The following CPPED1 variants were observed in gnomAD, a reference collection of about 807,000 sequenced individuals.
The protein encoded by CPPED1 is calcineurin like phosphoesterase domain containing 1, also known as serine/threonine-protein phosphatase CPPED1.
Under a neutral mutation model 28.0 loss-of-function variants are expected in CPPED1, and 28 were observed. That is an observed-to-expected ratio of 1.00 (90% confidence interval 0.74 to 1.37). CPPED1 has a LOEUF of 1.37. Ranked by LOEUF, CPPED1 falls within the 40% of genes most tolerant of loss-of-function variation. CPPED1 has a pLI of 0.00. For synonymous variants in CPPED1, 198 were observed against 180.2 expected (o/e 1.10, Z -0.79); for missense variants, 504 against 416.5 (o/e 1.21, Z -1.83).
intron 2 of CPPED1, among the ~76,000 whole-genome samples, chr16:12,734,020 G>A (rs2080212970): frequency 6.9e-6 from 1 of 145,668 alleles, no homozygotes; most frequent in African/African-American, 2.6e-5. Flanking sequence ...ATAATTACAG[G>A]ACAATAATTT....
At chr16:12,733,535 A>G (rs1437706850) in intron 2 of CPPED1, among the ~76,000 whole-genome samples, 2 of 152,188 alleles carry the variant, frequency 1.3e-5, no homozygotes, top group Middle Eastern at 6.3e-3. Flanking sequence ...TTGGCCTCCC[A>G]AAGTGCTGGG....
At position 12,781,372 on chromosome 16, in the gene CPPED1, G is replaced by A. The variant is rs1292047270; in HGVS notation, c.102C>T (p.Tyr34=). ...EKESEWKGPF[Y]FILGADPQFG... Reference sequence around the variant, plus strand: ...ACTGTGGGTCTGCGCCCAGGATGAAGTAGAATGGGCCTTTCCATTCGCTTT... The same window carrying A: ...ACTGTGGGTCTGCGCCCAGGATGAAATAGAATGGGCCTTTCCATTCGCTTT... The change falls in exon 2 of 4, where the codon TAC becomes TAT. Residue 34 remains tyrosine (Y), a synonymous_variant. Coordinates refer to ENST00000381774, the MANE Select transcript of CPPED1 (RefSeq NM_018340.3). 8.1e-6 allele frequency: 13 copies of A among 1,614,156 alleles called. No individual in the cohort carries two copies. The highest frequency in any genetic ancestry group is 1.1e-5 in the Non-Finnish European group (13 of 1,180,028).
chr16:12,668,771 A>T (rs2079839153), intron 3 of CPPED1, among the ~76,000 whole-genome samples: 1 of 152,268 alleles, frequency 6.6e-6, no homozygotes, highest in Non-Finnish European at 1.5e-5. Flanking sequence ...GCGATTAGCG[A>T]CAATGAGATA....
At chr16:12,740,730 G>A (rs1457218858) in intron 2 of CPPED1, among the ~76,000 whole-genome samples, 1 of 152,220 alleles carries the variant, frequency 6.6e-6, no homozygotes, top group East Asian at 1.9e-4. Context: ...TGGGGGAGCA[G>A]GGGTGAAGGA....
intron 3 of CPPED1, among the ~76,000 whole-genome samples, chr16:12,665,844 G>C (rs2079822738): frequency 6.6e-6 from 1 of 152,192 alleles, no homozygotes; most frequent in South Asian, 2.1e-4. Context: ...AGAATCACGT[G>C]AACTCGGGAG....
intron 1 of CPPED1, among the ~76,000 whole-genome samples, chr16:12,801,599 G>A (rs1013063722): frequency 2.0e-5 from 3 of 152,018 alleles, no homozygotes; most frequent in African/African-American, 7.3e-5. Context: ...AACATAGCTT[G>A]TAGGTATATG....
intron 2 of CPPED1, among the ~76,000 whole-genome samples, chr16:12,742,441 C>T (rs925944270): frequency 6.6e-6 from 1 of 152,180 alleles, no homozygotes; most frequent in Non-Finnish European, 1.5e-5. Context: ...ATAATGATTG[C>T]CAACCTTAAA....
At chr16:12,784,554 TGA>T (rs1491382553) in intron 1 of CPPED1, among the ~76,000 whole-genome samples, 1 of 79,214 alleles carries the variant, frequency 1.3e-5, no homozygotes, top group Admixed American at 1.3e-4. Flanking sequence ...CATTTTGTCA[TGA>T]AAAAAAAAAA....
At chr16:12,700,362 G>C (rs1041725355) in intron 3 of CPPED1, among the ~76,000 whole-genome samples, 3 of 152,190 alleles carry the variant, frequency 2.0e-5, no homozygotes, top group African/African-American at 4.8e-5. Flanking sequence ...AGAGGCACAA[G>C]TGGCTTCCCT....
At chr16:12,688,111 C>T (rs1013183551) in intron 3 of CPPED1, among the ~76,000 whole-genome samples, 8 of 146,714 alleles carry the variant, frequency 5.5e-5, no homozygotes, top group African/African-American at 2.2e-4. Flanking sequence ...TTTACTGCAG[C>T]CTCGACCACC....
chr16:12,785,421 GAATT>G (rs1016254905), intron 1 of CPPED1, among the ~76,000 whole-genome samples: 2 of 144,974 alleles, frequency 1.4e-5, no homozygotes, highest in Non-Finnish European at 3.0e-5. Context: ...AGACAAACGT[GAATT>G]CTTTTTTTTT....
intron 3 of CPPED1, among the ~76,000 whole-genome samples, chr16:12,675,675 A>ACTG (rs2079874277): frequency 6.6e-6 from 1 of 152,250 alleles, no homozygotes; most frequent in African/African-American, 2.4e-5. Flanking sequence ...ACACATTCCA[A>ACTG]CTGGACAGCC....
At chr16:12,781,122 T>C (rs993138301) in intron 2 of CPPED1, 63 bp downstream of exon 2, 8 of 1,467,920 alleles carry the variant, frequency 5.4e-6, no homozygotes, top group Non-Finnish European at 7.5e-6. Context: ...TTTTTTCTCC[T>C]GCCCAAATGC....
At chr16:12,783,109 T>G (rs915208583) in intron 1 of CPPED1, among the ~76,000 whole-genome samples, 2 of 152,170 alleles carry the variant, frequency 1.3e-5, no homozygotes, top group Admixed American at 6.6e-5. Context: ...GTCCTCGCAC[T>G]CAGTGCTCGT....
At position 12,741,174 on chromosome 16, in the gene CPPED1, C is replaced by T. The variant is rs914986027; in HGVS notation, c.290-36125G>A. 3.9e-5 allele frequency among the ~76,000 whole-genome samples: 6 copies of T among 152,026 alleles called. No homozygotes were observed. In the South Asian group the frequency reaches 8.3e-4, roughly 21 times the overall value. On this transcript the variant is annotated intron_variant, in intron 2 of 3. Coordinates refer to ENST00000381774, the MANE Select transcript of CPPED1 (RefSeq NM_018340.3). Reference sequence around the variant, plus strand: ...AGTACTTAAAATATAGTGGGCAGGACGGCAGAGAGAGTAAATCATCAGAAA... The same window carrying T: ...AGTACTTAAAATATAGTGGGCAGGATGGCAGAGAGAGTAAATCATCAGAAA...
intron 2 of CPPED1, among the ~76,000 whole-genome samples, chr16:12,712,604 T>A (rs1285747882): frequency 6.6e-6 from 1 of 152,102 alleles, no homozygotes; most frequent in East Asian, 1.9e-4. Context: ...TCACAAAGAA[T>A]GAAGGAGATC....
chr16:12,746,681 C>T (rs756222729), intron 2 of CPPED1, among the ~76,000 whole-genome samples: 4 of 151,960 alleles, frequency 2.6e-5, no homozygotes, highest in African/African-American at 4.8e-5. Flanking sequence ...AAAAAAATCA[C>T]GACAGCATAT....
intron 2 of CPPED1, among the ~76,000 whole-genome samples, chr16:12,749,736 C>T (rs370042034): frequency 4.5e-4 from 69 of 152,224 alleles, no homozygotes; most frequent in East Asian, 2.7e-3. Flanking sequence ...TACAGGCATC[C>T]GCCACCATAC....
At chr16:12,739,580 T>TC (rs2080243757) in intron 2 of CPPED1, among the ~76,000 whole-genome samples, 1 of 151,524 alleles carries the variant, frequency 6.6e-6, no homozygotes. Flanking sequence ...AAACTCCATT[T>TC]CAAAAAAAAA....
Sources: allele counts gnomAD v4.1 joint callset (sites outside exome capture counted in the v4.1 genomes callset), GRCh38; gene constraint gnomAD v4.1.1; transcripts MANE v1.5; gene names NCBI Gene and HGNC (gene_info 2026-07-23, HGNC 2026-07-21).